KIAA0513: variants seen among roughly 807,000 people sequenced by gnomAD.
KIAA0513 encodes the protein KIAA0513.
Under a neutral mutation model 56.5 loss-of-function variants are expected in KIAA0513, and 39 were observed. That is an observed-to-expected ratio of 0.69 (90% CI 0.53 to 0.90). The LOEUF (loss-of-function observed/expected upper bound fraction) is 0.90, where lower values mean the gene tolerates loss of function less well. Ranked by LOEUF, KIAA0513 falls within the 40% of genes least tolerant of loss-of-function variation. KIAA0513 has a pLI of 0.00. For synonymous variants in KIAA0513, 268 were observed against 215.6 expected, an observed-to-expected ratio of 1.24 and a Z score of -2.13; for missense variants, 591 against 535.2, an observed-to-expected ratio of 1.10 and a Z score of -1.03.
intron 1 of KIAA0513, among the ~76,000 whole-genome samples, chr16:85,050,398 G>A (rs1464258548): frequency 6.7e-6 from 1 of 150,252 alleles, no homozygotes; most frequent in Non-Finnish European, 1.5e-5. Context: ...CACCCAGACT[G>A]GAGTGCAGTG....
chr16:85,058,058 C>T (rs1280184778), intron 1 of KIAA0513, among the ~76,000 whole-genome samples: 1 of 152,198 alleles, frequency 6.6e-6, no homozygotes, highest in Non-Finnish European at 1.5e-5. Context: ...AGCAGAATGA[C>T]AATTCTCCCT....
rs2073677183 is a variant in KIAA0513, at chr16:85,077,633, G to A, written c.782+1G>A. Reference sequence around the variant, plus strand: ...AGGGGCCCCTGGCCAGGAGGAACGAGTACGTGTGGCCTTGGGGTCCCTCCC... The same window carrying A: ...AGGGGCCCCTGGCCAGGAGGAACGAATACGTGTGGCCTTGGGGTCCCTCCC... On this transcript the variant is annotated splice_donor_variant, in intron 6 of 12. Coordinates refer to ENST00000683363, the MANE Select transcript of KIAA0513 (RefSeq NM_001388359.1). LOFTEE classifies it high-confidence loss of function. 6.2e-7 allele frequency: 1 copy of A among 1,605,046 alleles called. No homozygotes were observed. Among genetic ancestry groups the A allele is most frequent in the African/African-American group, 1.3e-5 (1 of 74,806 alleles).
chr16:85,073,852 T>C (rs1318514217), intron 4 of KIAA0513, among the ~76,000 whole-genome samples: 2 of 152,212 alleles, frequency 1.3e-5, no homozygotes, highest in Non-Finnish European at 2.9e-5. Context: ...CGCCACCTTC[T>C]CACATCACTG....
At chr16:85,036,105 A>G (rs1052424187) in intron 1 of KIAA0513, among the ~76,000 whole-genome samples, 1 of 151,922 alleles carries the variant, frequency 6.6e-6, no homozygotes, top group African/African-American at 2.4e-5. Flanking sequence ...ATGAACCACC[A>G]CACCTGGCCT....
At chr16:85,065,696 G>A (rs1039087968) in intron 1 of KIAA0513, among the ~76,000 whole-genome samples, 1 of 152,216 alleles carries the variant, frequency 6.6e-6, no homozygotes, top group Non-Finnish European at 1.5e-5. Context: ...CATTGTCCTA[G>A]ATATTTGGGG....
At chr16:85,066,280 T>C (rs947907236) in intron 1 of KIAA0513, among the ~76,000 whole-genome samples, 32 of 152,036 alleles carry the variant, frequency 2.1e-4, no homozygotes, top group Non-Finnish European at 5.9e-5. Flanking sequence ...GGGAGAGGGC[T>C]GCCCAGGCTG....
At chr16:85,078,176 C>G (rs1597639448) in intron 6 of KIAA0513, among the ~76,000 whole-genome samples, 1 of 152,190 alleles carries the variant, frequency 6.6e-6, no homozygotes, top group Non-Finnish European at 1.5e-5. Flanking sequence ...TTGGCCTCCT[C>G]CTCTACCCCA....
Position 85,072,997 on chromosome 16 carries a change from G to C in KIAA0513, c.502G>C (p.Glu168Gln), listed in dbSNP as rs564854975. ...GCAGTCTTTTGCAGTGGTGCTGTTC[G>C]AGTAAGTAATGCCGTGGCACAAAGC... Reference protein sequence around the residue: ...LVQSFAVVLFECHQMDDFGPA... With the variant: ...LVQSFAVVLFQCHQMDDFGPA... Residue 168 changes from glutamate to glutamine, a missense_variant and splice_region_variant, in exon 4 of 13, where the codon GAG becomes CAG. Coordinates refer to ENST00000683363, the MANE Select transcript of KIAA0513 (RefSeq NM_001388359.1). The C allele has an allele frequency of 1.2e-6, 2 of 1,613,542 alleles. No homozygotes were observed. Among genetic ancestry groups the C allele is most frequent in the African/African-American group, 1.3e-5 (1 of 75,024 alleles).
chr16:85,057,669 G>A (rs1179214095), intron 1 of KIAA0513, among the ~76,000 whole-genome samples: 3 of 152,180 alleles, frequency 2.0e-5, no homozygotes, highest in Admixed American at 1.3e-4. Context: ...GGGATCTTCA[G>A]TCCTGGGCCA....
intron 7 of KIAA0513, 103 bp downstream of exon 7, chr16:85,078,558 A>T: frequency 8.9e-7 from 1 of 1,119,034 alleles, no homozygotes. Flanking sequence ...TCCACGGAGC[A>T]TGGGCACCTT....
intron 1 of KIAA0513, among the ~76,000 whole-genome samples, chr16:85,062,493 C>G (rs899774554): frequency 3.9e-5 from 6 of 152,216 alleles, no homozygotes; most frequent in Admixed American, 1.3e-4. Context: ...ATGTTCCTAT[C>G]TGCGGTGACA....
intron 1 of KIAA0513, among the ~76,000 whole-genome samples, chr16:85,064,605 G>A (rs892203689): frequency 3.9e-5 from 6 of 152,180 alleles, no homozygotes; most frequent in Non-Finnish European, 7.4e-5. Flanking sequence ...AGTATGGGAT[G>A]GTACCTTGTG....
At position 85,091,905 on chromosome 16, in the gene KIAA0513, G is replaced by C. The variant is rs193252240; in HGVS notation, c.*3580G>C. On this transcript the variant is annotated 3_prime_UTR_variant, in exon 13 of 13. Coordinates refer to ENST00000683363, the MANE Select transcript of KIAA0513 (RefSeq NM_001388359.1). ...TGGAAGCCAGGGCTGGAAGCTACAG[G>C]CCTGACCTTCCTGGGTCCCACTATC... 1 of 151,960 alleles carries C rather than the reference G, an allele frequency of 6.6e-6. No individual in the cohort carries two copies. The highest frequency in any genetic ancestry group is 1.5e-5 in the Non-Finnish European group (1 of 68,254). 9.4% of individuals were successfully genotyped at this position (151,960 alleles called of 1,614,324 possible). A position where few individuals can be genotyped will look rare whatever the true frequency, so the allele number is the denominator to read the frequency against.
chr16:85,028,093 G>A (rs900411684), intron 1 of KIAA0513, among the ~76,000 whole-genome samples: 3 of 152,164 alleles, frequency 2.0e-5, no homozygotes, highest in Non-Finnish European at 4.4e-5. Flanking sequence ...GAGGCAAAGG[G>A]AATAGGGGAA....
Position 85,076,013 on chromosome 16 carries a change from T to C in KIAA0513, c.574+99T>C, listed in dbSNP as rs2073650921. 2 of 886,336 alleles carry C rather than the reference T, an allele frequency of 2.3e-6. No individual in the cohort carries two copies. The highest frequency in any genetic ancestry group is 3.3e-5 in the African/African-American group (2 of 60,800). The allele number at this position is 886,336 out of a possible 1,614,324, so 54.9% of individuals were successfully genotyped here. On this transcript the variant is annotated intron_variant, in intron 5 of 12. Coordinates refer to ENST00000683363, the MANE Select transcript of KIAA0513 (RefSeq NM_001388359.1). This position sits in a 1 kb window ranked among gnomAD's most constrained non-coding sequence, Gnocchi z 4.7. ...TCTTCATGATAAAAAGCAAAAGCTA[T>C]GGGGCCTCCAGAGAACAGAGGAAGC... is the stretch of plus-strand genomic sequence containing the variant.
At chr16:85,030,613 G>T (rs1343605668) in intron 1 of KIAA0513, among the ~76,000 whole-genome samples, 1 of 152,032 alleles carries the variant, frequency 6.6e-6, no homozygotes, top group Non-Finnish European at 1.5e-5. Flanking sequence ...TGGGCATGGT[G>T]GCGGGTACCT....
chr16:85,044,599 C>G (rs2073146977), intron 1 of KIAA0513, among the ~76,000 whole-genome samples: 1 of 151,874 alleles, frequency 6.6e-6, no homozygotes, highest in Admixed American at 6.6e-5. Flanking sequence ...CTCTGCCTCC[C>G]AGGCTCAAGC....
chr16:85,084,429 C>CTTTTTTT (rs34048494), intron 10 of KIAA0513, among the ~76,000 whole-genome samples: 1 of 53,990 alleles, frequency 1.9e-5, no homozygotes, highest in African/African-American at 8.2e-5. Context: ...TTTTCGTTCT[C>CTTTTTTT]TTTTTTTTTT....
rs2073411372 is a variant in KIAA0513 at position 85,061,942 on chromosome 16, TTC to T, written c.-172-4956_-172-4955del. The stretch of plus-strand genomic sequence containing the variant: ...CATTGGCCTTCCCGGTTCTTGAACT[TTC>T]TAAAGTGGTTACCTTAGGGCCTGCA... On this transcript the variant is annotated intron_variant, in intron 1 of 12. Transcript: ENST00000683363. 3.9e-5 allele frequency among the ~76,000 whole-genome samples: 6 copies of T among 152,284 alleles called. No individual in the cohort carries two copies. The South Asian group carries it at 1.2e-3, about 32-fold the overall frequency.
Sources: allele counts gnomAD v4.1 joint callset (sites outside exome capture counted in the v4.1 genomes callset), GRCh38; gene constraint gnomAD v4.1.1; non-coding constraint Gnocchi (gnomAD v3.1); transcripts MANE v1.5; gene names NCBI Gene and HGNC (gene_info 2026-07-23, HGNC 2026-07-21).